The following IL1RAPL2 variants were observed in gnomAD, a reference collection of about 807,000 sequenced individuals.
IL1RAPL2 encodes the protein interleukin 1 receptor accessory protein like 2, also known as X-linked interleukin-1 receptor accessory protein-like 2.
IL1RAPL2 carries 3 observed loss-of-function variants against 44.1 expected under a neutral mutation model. The observed-to-expected ratio is 0.07, with a 90% confidence interval of 0.03 to 0.18. IL1RAPL2 has a LOEUF of 0.18. IL1RAPL2 is among the 10% of genes least tolerant of loss of function. The pLI is 1.00. For missense variants in IL1RAPL2, 391 were observed against 496.4 expected (o/e 0.79, Z 2.02); for synonymous variants, 181 against 178.8 (o/e 1.01, Z -0.10).
chrX:105,271,428 T>A (rs1486095493), intron 5 of IL1RAPL2, among the ~76,000 whole-genome samples: 2 of 111,907 alleles, frequency 1.8e-5, no homozygotes, highest in Non-Finnish European at 3.8e-5. Flanking sequence ...ATTTTAAAGT[T>A]TTTTTCTTTA....
At chrX:104,687,366 A>G (rs1388227172) in intron 2 of IL1RAPL2, among the ~76,000 whole-genome samples, 1 of 111,511 alleles carries the variant, frequency 9.0e-6, no homozygotes, top group African/African-American at 3.3e-5. Flanking sequence ...GAGAGGAGAA[A>G]GGAGTGGGGG....
At chrX:104,874,279 C>CCTCTCTCTCTCTCTCTCTCT (rs59789265) in intron 2 of IL1RAPL2, among the ~76,000 whole-genome samples, 65 of 76,310 alleles carry the variant, frequency 8.5e-4, no homozygotes, top group Non-Finnish European at 1.2e-3. Context: ...TGTCTGTATT[C>CCTCTCTCTCTCTCTCTCTCT]CTCTCTCTCT....
intron 6 of IL1RAPL2, among the ~76,000 whole-genome samples, chrX:105,486,576 G>A (rs1442108591): frequency 9.0e-6 from 1 of 110,830 alleles, no homozygotes. Context: ...TCTCTACCTT[G>A]AACTGGGATA....
intron 1 of IL1RAPL2, among the ~76,000 whole-genome samples, chrX:104,609,700 CA>C (rs1245355571): frequency 2.7e-5 from 3 of 111,936 alleles, no homozygotes; most frequent in Non-Finnish European, 5.6e-5. Flanking sequence ...TCAGCCCCAT[CA>C]GGTCATTTGT....
At chrX:105,198,853 G>A (rs1488894266) in intron 3 of IL1RAPL2, among the ~76,000 whole-genome samples, 11 of 111,693 alleles carry the variant, frequency 9.8e-5, no homozygotes, top group African/African-American at 3.3e-4. Flanking sequence ...ATGTTTTGAG[G>A]AGGAAGATTA....
intron 2 of IL1RAPL2, among the ~76,000 whole-genome samples, chrX:104,849,522 T>C (rs181635635): frequency 9.2e-5 from 10 of 108,520 alleles, no homozygotes; most frequent in African/African-American, 3.3e-4. Context: ...AGTAATAGCC[T>C]TAAATATATG....
chrX:104,816,545 T>C (rs1360458930), intron 2 of IL1RAPL2, among the ~76,000 whole-genome samples: 1 of 112,169 alleles, frequency 8.9e-6, no homozygotes, highest in Non-Finnish European at 1.9e-5. Flanking sequence ...CTTTAAAAAA[T>C]GAGAATAACT....
At chrX:105,048,274 A>C (rs1024305639) in intron 2 of IL1RAPL2, among the ~76,000 whole-genome samples, 1 of 111,820 alleles carries the variant, frequency 8.9e-6, no homozygotes, top group Non-Finnish European at 1.9e-5. Context: ...AAGATGTAAA[A>C]ATTTGCAGCA....
At chrX:105,559,160 A>G (rs1319376436) in intron 6 of IL1RAPL2, among the ~76,000 whole-genome samples, 1 of 112,132 alleles carries the variant, frequency 8.9e-6, no homozygotes, top group East Asian at 2.8e-4. Context: ...CAGTTAATTC[A>G]GATGGTTGGA....
intron 2 of IL1RAPL2, among the ~76,000 whole-genome samples, chrX:104,748,669 T>C (rs1932212772): frequency 1.8e-5 from 2 of 111,262 alleles, no homozygotes; most frequent in South Asian, 7.6e-4. Context: ...CAGCCCTGGG[T>C]GGGATTCCAG....
At chrX:104,666,298 A>G (rs1930487461) in intron 2 of IL1RAPL2, among the ~76,000 whole-genome samples, 1 of 112,130 alleles carries the variant, frequency 8.9e-6, no homozygotes, top group Admixed American at 9.5e-5. Flanking sequence ...TTGAAATATT[A>G]AAGTTCCTTA....
chrX:105,145,699 A>G (rs2033173338), intron 2 of IL1RAPL2, among the ~76,000 whole-genome samples: 1 of 110,909 alleles, frequency 9.0e-6, no homozygotes, highest in Non-Finnish European at 1.9e-5. Flanking sequence ...TGGGGGGCCT[A>G]GGTTTACTAC....
intron 9 of IL1RAPL2, 83 bp from the exon 10 acceptor site, chrX:105,755,094 A>G: frequency 1.7e-6 from 1 of 575,685 alleles, no homozygotes; most frequent in Non-Finnish European, 2.7e-6. Flanking sequence ...GACGGTCACT[A>G]ATTATTGTGC....
At chrX:105,745,934 C>T (rs965283080) in intron 8 of IL1RAPL2, among the ~76,000 whole-genome samples, 1 of 112,033 alleles carries the variant, frequency 8.9e-6, no homozygotes, top group Non-Finnish European at 1.9e-5. Context: ...CCTCCTGCCC[C>T]GGCCTCCCCA....
In IL1RAPL2 at chrX:104,946,379, CAAAAAAAAAAA is replaced by C. The variant is rs1157603029; in HGVS notation, c.83-249076_83-249066del. On this transcript the variant is annotated intron_variant, in intron 2 of 10. Transcript: ENST00000372582. ...TGGGCGACAGAGCAAGACTCCGTCT[CAAAAAAAAAAA>C]AAAAAAAAAAAAAAAAAAACTTTTT... is the stretch of plus-strand genomic sequence containing the variant. Among the ~76,000 whole-genome samples, 7 of 9,140 alleles carry C rather than the reference CAAAAAAAAAAA, an allele frequency of 7.7e-4. No homozygotes were observed. The South Asian group carries it at 0.077, about 100-fold the overall frequency. 7.9% of individuals were successfully genotyped at this position (9,140 alleles called of 115,157 possible). A position where few individuals can be genotyped will look rare whatever the true frequency, so the allele number is the denominator to read the frequency against.
chrX:105,718,011 C>T (rs187300494), intron 7 of IL1RAPL2, among the ~76,000 whole-genome samples: 9 of 112,357 alleles, frequency 8.0e-5, no homozygotes, highest in African/African-American at 2.6e-4. Context: ...GACCTCTTTT[C>T]ACTCTCCTGT....
intron 1 of IL1RAPL2, among the ~76,000 whole-genome samples, chrX:104,593,869 A>T (rs1416294554): frequency 2.7e-5 from 3 of 112,521 alleles, no homozygotes; most frequent in Non-Finnish European, 5.6e-5. Flanking sequence ...CCCAGCTCAG[A>T]TTGATGCTCC....
intron 2 of IL1RAPL2, among the ~76,000 whole-genome samples, chrX:105,065,462 C>T (rs2032126686): frequency 8.9e-6 from 1 of 111,782 alleles, no homozygotes; most frequent in South Asian, 3.7e-4. Flanking sequence ...GGCATCCCAT[C>T]TGATCCCAGA....
chrX:104,600,222 G>A (rs185030706), intron 1 of IL1RAPL2, among the ~76,000 whole-genome samples: 1 of 111,741 alleles, frequency 8.9e-6, no homozygotes, highest in East Asian at 2.8e-4. Context: ...ATAAAAATTT[G>A]TTTCTTAGAG....
Sources: gnomAD v4.1 joint callset for allele counts (sites outside exome capture counted in the v4.1 genomes callset) on GRCh38, gnomAD v4.1.1 for gene constraint, MANE v1.5 for transcripts, NCBI Gene and HGNC (gene_info 2026-07-23, HGNC 2026-07-21) for gene names.